The following CMA1 variants were observed in gnomAD, a reference collection of about 807,000 sequenced individuals.
CMA1 encodes the protein chymase 1.
A neutral mutation model predicts 18.8 loss-of-function variants in CMA1; 24 were observed. That is an observed-to-expected ratio of 1.28 (90% confidence interval 0.92 to 1.80). The LOEUF (loss-of-function observed/expected upper bound fraction) is 1.80, where lower values mean the gene tolerates loss of function less well. Ranked by LOEUF, CMA1 falls within the 40% of genes most tolerant of loss-of-function variation. The pLI is 0.00. For missense variants in CMA1, 421 were observed against 302.8 expected, an observed-to-expected ratio of 1.39 and a Z score of -2.90; for synonymous variants, 152 against 117.0, an observed-to-expected ratio of 1.30 and a Z score of -1.93.
intron 1 of CMA1, 138 bp downstream of exon 1, chr14:24,508,040 C>T (rs991811930): frequency 3.7e-6 from 3 of 800,430 alleles, no homozygotes; most frequent in Middle Eastern, 2.3e-4. Context: ...TGGCACACAT[C>T]CCAAGTGGAA....
At chr14:24,505,760 G>C in intron 4 of CMA1, 101 bp from the exon 5 acceptor site, 1 of 1,416,786 alleles carries the variant, frequency 7.1e-7, no homozygotes, top group Non-Finnish European at 9.5e-7. Context: ...GTCAGACGCA[G>C]GAGGTGGAGC....
intron 2 of CMA1, 126 bp downstream of exon 2, chr14:24,507,230 T>A (rs2043864960): frequency 3.6e-6 from 4 of 1,110,448 alleles, no homozygotes; most frequent in African/African-American, 3.1e-5. Flanking sequence ...TCAGCCCAAG[T>A]CTTCCCTCTC....
intron 1 of CMA1, 65 bp downstream of exon 1, chr14:24,508,113 G>T: frequency 1.4e-6 from 2 of 1,467,994 alleles, no homozygotes; most frequent in South Asian, 1.2e-5. Flanking sequence ...GCTATTTTCA[G>T]ACTAAACATC....
rs1291924679 is a variant in CMA1, at chr14:24,508,239, C to T, written c.-4G>A. ...GGGGGAGAGGAAGAAGCAGCATCTT[C>T]CCAGAGAGGCTGCCTGAGCAAATGC... On this transcript the variant is annotated 5_prime_UTR_variant, in exon 1 of 5. Coordinates refer to ENST00000250378, the MANE Select transcript of CMA1 (RefSeq NM_001836.5). 1 of 1,612,676 alleles carries T rather than the reference C, an allele frequency of 6.2e-7. No individual in the cohort carries two copies. Among genetic ancestry groups the T allele is most frequent in the Admixed American group, 1.7e-5 (1 of 59,896 alleles).
chr14:24,506,929 T>C (rs2043862626), intron 2 of CMA1, among the ~76,000 whole-genome samples: 1 of 152,108 alleles, frequency 6.6e-6, no homozygotes, highest in African/African-American at 2.4e-5. Flanking sequence ...GAGATATCAG[T>C]TAAACGGGAA....
At position 24,506,173 on chromosome 14, in the gene CMA1, G is replaced by C. The variant is rs373788143; in HGVS notation, c.455C>G (p.Thr152Arg). Reference protein sequence around the residue: ...RMCRVAGWGRTGVLKPGSDTL... With the variant: ...RMCRVAGWGRRGVLKPGSDTL... ...GTCTGAGCCCGGCTTCAACACACCT[G>C]TTCTTCCCCAGCCAGCCACCCGGCA... Residue 152 changes from threonine (T) to arginine (R), a missense_variant, in exon 4 of 5, where the codon ACA becomes AGA. Transcript: ENST00000250378. 2.6e-5 allele frequency: 42 copies of C among 1,614,068 alleles called. No individual in the cohort carries two copies. The highest frequency in any genetic ancestry group is 3.3e-5 in the Non-Finnish European group (39 of 1,180,042).
In CMA1 at chr14:24,505,636, C is replaced by G. The variant is rs1297365710; in HGVS notation, c.624G>C (p.Leu208=). The change falls in exon 5 of 5, where the codon CTG becomes CTC. Residue 208 remains leucine (L), a synonymous_variant. Coordinates refer to ENST00000250378, the MANE Select transcript of CMA1 (RefSeq NM_001836.5). ...AFKGDSGGPL[L]CAGVAQGIVS... is the part of the protein sequence containing the mutation. ...CGATGCCCTGGGCCACCCCAGCACACAGAAGAGGGCCCCCAGAGTCTCCCT... is the reference window on the plus strand; with the variant it reads ...CGATGCCCTGGGCCACCCCAGCACAGAGAAGAGGGCCCCCAGAGTCTCCCT... The G allele has an allele frequency of 1.2e-6, 2 of 1,612,572 alleles. No homozygotes were observed. The highest frequency in any genetic ancestry group is 2.2e-5 in the East Asian group (1 of 44,862).
Position 24,505,551 on chromosome 14 carries a change from G to A in CMA1, c.709C>T (p.Arg237Trp), listed in dbSNP as rs748942989. 7 of 1,613,980 alleles carry A rather than the reference G, an allele frequency of 4.3e-6. No individual in the cohort carries two copies. The highest frequency in any genetic ancestry group is 1.7e-5 in the Admixed American group (1 of 60,000). ...PAVFTRISHY[R>W]PWINQILQAN ...TGCAGGATCTGGTTGATCCAGGGCC[G>A]GTAATGGGAGATTCGGGTGAAGACA... Residue 237 changes from arginine (R) to tryptophan (W), a missense_variant, in exon 5 of 5, where the codon CGG becomes TGG. Arg to Trp is a moderately radical substitution (Grantham distance 101, BLOSUM62 -3). Coordinates refer to ENST00000250378, the MANE Select transcript of CMA1 (RefSeq NM_001836.5).
Position 24,506,526 on chromosome 14 carries a change from T to C in CMA1, c.288A>G (p.Gln96=). Residue 96 remains glutamine (Q), a synonymous_variant, in exon 3 of 5, where the codon CAA becomes CAG. Transcript: ENST00000250378. ...DTWQKLEVIK[Q]FRHPKYNTST... The stretch of plus-strand genomic sequence containing the variant: ...AAGTGTTATATTTTGGATGACGGAA[T>C]TGCTTTATAACCTCAAGCTTCTGCC... The C allele has an allele frequency of 6.2e-7, 1 of 1,614,196 alleles. No homozygotes were observed.
At chr14:24,506,738 G>T (rs1366985974) in intron 2 of CMA1, 134 bp from the exon 3 acceptor site, 15 of 1,085,074 alleles carry the variant, frequency 1.4e-5, no homozygotes, top group Non-Finnish European at 1.8e-5. Flanking sequence ...CCCTTTTCAT[G>T]GGCCACTTGT....
rs1299870480 is a variant in CMA1 at position 24,506,066 on chromosome 14, A to G, written c.562T>C (p.Cys188Arg). The stretch of plus-strand genomic sequence containing the variant: ...TTTGTCTTCCTGGGATTGCCCACAC[A>G]CAGCTGAAGATTGTGGTCAAAGTCT... ...FRDFDHNLQL[C>R]VGNPRKTKSA... is the part of the protein sequence containing the mutation. Residue 188 changes from cysteine to arginine, a missense_variant, in exon 4 of 5, where the codon TGT becomes CGT. Physicochemically the swap from Cys to Arg is radical, Grantham distance 180. Transcript: ENST00000250378. 1 of 1,614,094 alleles carries G rather than the reference A, an allele frequency of 6.2e-7. No individual in the cohort carries two copies. Among genetic ancestry groups the G allele is most frequent in the African/African-American group, 1.3e-5 (1 of 74,922 alleles).
At chr14:24,505,708 C>T in intron 4 of CMA1, 49 bp from the exon 5 acceptor site, 6 of 1,552,016 alleles carry the variant, frequency 3.9e-6, no homozygotes, top group Non-Finnish European at 5.2e-6. Context: ...AAGTCCTCCA[C>T]TCCTGTCTGC....
chr14:24,506,643 A>G, intron 2 of CMA1, 39 bp from the exon 3 acceptor site: 1 of 1,609,652 alleles, frequency 6.2e-7, no homozygotes, highest in East Asian at 2.2e-5. Flanking sequence ...AGCGACAGTG[A>G]TGGCTTGGGG....
At chr14:24,505,689 G>A (rs1461648970) in intron 4 of CMA1, 30 bp from the exon 5 acceptor site, 2 of 1,575,168 alleles carry the variant, frequency 1.3e-6, no homozygotes, top group African/African-American at 1.4e-5. Flanking sequence ...AGAAGAAGGT[G>A]AGCCCGGGAA....
chr14:24,506,576 T>C lies in CMA1; in HGVS notation c.238A>G (p.Asn80Asp). The change falls in exon 3 of 5, where the codon AAC (asparagine) becomes GAC (aspartate). Residue 80 changes from asparagine to aspartate, a missense_variant. Transcript: ENST00000250378. ...RSITVTLGAH[N>D]ITEEEDTWQK... ...CATGTGTCTTCTTCCTCTGTTATGT[T>C]ATGGGCTCCAAGGGTGACTGTTATA... 1 of 1,614,114 alleles carries C rather than the reference T, an allele frequency of 6.2e-7. No individual in the cohort carries two copies. The highest frequency in any genetic ancestry group is 8.5e-7 in the Non-Finnish European group (1 of 1,180,004).
intron 2 of CMA1, 106 bp from the exon 3 acceptor site, chr14:24,506,710 G>T (rs983628007): frequency 1.4e-6 from 2 of 1,383,824 alleles, no homozygotes; most frequent in African/African-American, 1.4e-5. Context: ...TCACTGGGTC[G>T]CCGGACTCTA....
Position 24,505,561 on chromosome 14 carries a change from G to T in CMA1, c.699C>A (p.Ile233=), listed in dbSNP as rs2043844933. 2 of 1,614,018 alleles carry T rather than the reference G, an allele frequency of 1.2e-6. No individual in the cohort carries two copies. Among genetic ancestry groups the T allele is most frequent in the Admixed American group, 3.3e-5 (2 of 60,004 alleles). ...GGTTGATCCAGGGCCGGTAATGGGA[G>T]ATTCGGGTGAAGACAGCAGGGGGCT... ...DAKPPAVFTR[I]SHYRPWINQI... is the part of the protein sequence containing the mutation. The change falls in exon 5 of 5, where the codon ATC becomes ATA. Residue 233 remains isoleucine (I), a synonymous_variant. Transcript: ENST00000250378.
chr14:24,508,080 C>T (rs997122212), intron 1 of CMA1, 98 bp downstream of exon 1: 3 of 1,195,038 alleles, frequency 2.5e-6, no homozygotes, highest in Non-Finnish European at 3.6e-6. Context: ...GAAGAGAGAT[C>T]TTGGAACCCT....
At chr14:24,505,765 TGG>T in intron 4 of CMA1, 106 bp from the exon 5 acceptor site, 1 of 1,394,786 alleles carries the variant, frequency 7.2e-7, no homozygotes, top group Non-Finnish European at 9.7e-7. Context: ...ACGCAGGAGG[TGG>T]AGCTCCTCAC....
Sources: gnomAD v4.1 joint callset for allele counts (sites outside exome capture counted in the v4.1 genomes callset) on GRCh38, gnomAD v4.1.1 for gene constraint, MANE v1.5 for transcripts, NCBI Gene and HGNC (gene_info 2026-07-23, HGNC 2026-07-21) for gene names.